GRIP2: variants seen among roughly 807,000 people sequenced by gnomAD.
GRIP2 encodes glutamate receptor-interacting protein 2.
In GRIP2, 58 loss-of-function variants were observed where a neutral mutation model predicts 108.3. The ratio of observed to expected loss-of-function variants is 0.54; its 90% confidence interval spans 0.43 to 0.67. The LOEUF is 0.67. Ranked by LOEUF, GRIP2 falls within the 30% of genes least tolerant of loss-of-function variation. GRIP2 has a pLI of 0.00. For synonymous variants in GRIP2, 586 were observed against 598.2 expected, an observed-to-expected ratio of 0.98 and a Z score of 0.30; for missense variants, 1,278 against 1,430.6, an observed-to-expected ratio of 0.89 and a Z score of 1.72.
chr3:14,563,969 C>A, the GRIP2 span, among the ~76,000 whole-genome samples: 2 of 152,318 alleles, frequency 1.3e-5, no homozygotes, highest in African/African-American at 4.8e-5. Context: ...CCCCTCCACC[C>A]TTACCCATCT....
At chr3:14,524,291 T>C in intron 4 of GRIP2, 102 bp downstream of exon 4, 2 of 1,359,078 alleles carry the variant, frequency 1.5e-6, no homozygotes, top group Non-Finnish European at 2.0e-6. Context: ...TTCTACCCAC[T>C]CCATCTGGCA....
intron 22 of GRIP2, among the ~76,000 whole-genome samples, chr3:14,496,191 AG>A (rs1186876207): frequency 2.0e-5 from 3 of 152,026 alleles, no homozygotes; most frequent in Admixed American, 2.0e-4. Flanking sequence ...GGGGAAAAAA[AG>A]CACATCTACT....
the GRIP2 span, chr3:14,573,893 C>T: frequency 3.3e-6 from 4 of 1,208,934 alleles, no homozygotes; most frequent in East Asian, 2.4e-5. Context: ...GCAGGCAGCC[C>T]GACCTGTCGT....
chr3:14,586,152 C>T, the GRIP2 span, among the ~76,000 whole-genome samples: 1 of 152,194 alleles, frequency 6.6e-6, no homozygotes, highest in African/African-American at 2.4e-5. Flanking sequence ...CAGGTCTTCC[C>T]TTGGTTGGGC....
At chr3:14,500,401 T>A (rs1330816392) in intron 21 of GRIP2, among the ~76,000 whole-genome samples, 1 of 151,812 alleles carries the variant, frequency 6.6e-6, no homozygotes, top group Admixed American at 6.6e-5. Flanking sequence ...ACAGACTGAG[T>A]CTGTAGTAAG....
In GRIP2 at chr3:14,525,699, ACCT is replaced by A. The variant is rs1292668898; in HGVS notation, c.122-130_122-128del. 1.1e-5 allele frequency: 14 copies of A among 1,333,158 alleles called. No individual in the cohort carries two copies. The Admixed American group carries it at 2.6e-4, about 25-fold the overall frequency. The allele number at this position is 1,333,158 out of a possible 1,614,324, so 82.6% of individuals were successfully genotyped here. A position where few individuals can be genotyped will look rare whatever the true frequency, so the allele number is the denominator to read the frequency against. On this transcript the variant is annotated intron_variant, in intron 2 of 23. Coordinates refer to ENST00000621039, the MANE Select transcript of GRIP2 (RefSeq NM_001080423.4). ...TGCTGCATTGCCCTGGGTGATGATC[ACCT>A]CCTTTTTACAGAGGAGAATCAGAGA...
intron 11 of GRIP2, among the ~76,000 whole-genome samples, chr3:14,516,705 C>T (rs1459656026): frequency 6.6e-6 from 1 of 152,120 alleles, no homozygotes; most frequent in African/African-American, 2.4e-5. Flanking sequence ...AGCACTGAGG[C>T]TTTATCCATG....
intron 1 of GRIP2, 106 bp from the exon 2 acceptor site, chr3:14,526,037 G>A (rs989481897): frequency 9.5e-6 from 9 of 946,978 alleles, no homozygotes; most frequent in Non-Finnish European, 1.5e-5. Flanking sequence ...CCTGTAAGAT[G>A]GGTTCCCTCC....
At chr3:14,593,793 C>T in the GRIP2 span, among the ~76,000 whole-genome samples, 1 of 152,298 alleles carries the variant, frequency 6.6e-6, no homozygotes, top group South Asian at 2.1e-4. Flanking sequence ...CTCTGGTACC[C>T]TCCCACTAAA....
chr3:14,578,065 A>G, the GRIP2 span, among the ~76,000 whole-genome samples: 1 of 152,122 alleles, frequency 6.6e-6, no homozygotes, highest in East Asian at 1.9e-4. Context: ...GCAGAGGCAG[A>G]CTCTCGTTGC....
At chr3:14,560,823 T>C (rs1435861353), upstream of GRIP2, among the ~76,000 whole-genome samples, 1 of 152,206 alleles carries the variant, frequency 6.6e-6, no homozygotes, top group East Asian at 1.9e-4. Context: ...GTATCCTGAC[T>C]AATCCAGTGT....
intron 4 of GRIP2, 75 bp downstream of exon 4, chr3:14,524,318 G>A (rs1694493906): frequency 4.0e-6 from 6 of 1,507,364 alleles, no homozygotes; most frequent in East Asian, 2.4e-5. Flanking sequence ...CTGCCACCCA[G>A]GCCCTGGTGG....
At chr3:14,573,950 A>T in the GRIP2 span, 6 of 1,095,198 alleles carry the variant, frequency 5.5e-6, no homozygotes, top group East Asian at 1.5e-4. Flanking sequence ...GCCCTGCGCG[A>T]ATGAAGCTGT....
In GRIP2 at chr3:14,505,858, A is replaced by G. The variant is rs1693911707; in HGVS notation, c.2399-69T>C. ...TTGCCCTCCTGCCTGCCCCATTTCCAGCTGTGCTGAGTGACCCTGGGGAGG... is the reference window on the plus strand; with the variant it reads ...TTGCCCTCCTGCCTGCCCCATTTCCGGCTGTGCTGAGTGACCCTGGGGAGG... On this transcript the variant is annotated intron_variant, in intron 19 of 23. Transcript: ENST00000621039. The surrounding 1 kb of genome is among the most constrained non-coding windows in gnomAD (Gnocchi z 4.2). The G allele has an allele frequency of 1.4e-6, 2 of 1,407,412 alleles. No individual in the cohort carries two copies. Among genetic ancestry groups the G allele is most frequent in the Non-Finnish European group, 1.9e-6 (2 of 1,061,574 alleles). The allele number at this position is 1,407,412 out of a possible 1,614,324, so 87.2% of individuals were successfully genotyped here.
chr3:14,509,777 G>A, intron 17 of GRIP2, 43 bp downstream of exon 17: 1 of 1,370,880 alleles, frequency 7.3e-7, no homozygotes. Context: ...TGCTTCCTGT[G>A]TTCCCTGAGC....
chr3:14,524,267 G>T (rs993348275), intron 4 of GRIP2, 126 bp downstream of exon 4: 1 of 1,110,888 alleles, frequency 9.0e-7, no homozygotes, highest in South Asian at 1.6e-5. Context: ...GGATGCTTGT[G>T]GCCAGTCTCC....
rs573367446 is a variant in GRIP2, at chr3:14,516,695, A to G, written c.1306+369T>C. On this transcript the variant is annotated intron_variant, in intron 11 of 23. Transcript: ENST00000621039. ...AGAGGTGGTAAGGATATAGTAACGCAGCACTGAGGCTTTATCCATGAATGA... is the reference window on the plus strand; with the variant it reads ...AGAGGTGGTAAGGATATAGTAACGCGGCACTGAGGCTTTATCCATGAATGA... 5.3e-5 allele frequency among the ~76,000 whole-genome samples: 8 copies of G among 152,358 alleles called. No homozygotes were observed. In the East Asian group the frequency reaches 9.6e-4, roughly 18 times the overall value.
At chr3:14,533,066 T>C (rs1694750909) in intron 1 of GRIP2, among the ~76,000 whole-genome samples, 2 of 152,152 alleles carry the variant, frequency 1.3e-5, no homozygotes, top group African/African-American at 4.8e-5. Context: ...TGGGGTTGGG[T>C]CCTCAGCAGC....
At chr3:14,513,337 T>A (rs4685169) in intron 13 of GRIP2, among the ~76,000 whole-genome samples, 73,049 of 152,016 alleles carry the variant, frequency 0.48, 17,933 homozygotes, top group East Asian at 0.74. Flanking sequence ...AAAGCCACAC[T>A]GTGTTGAGGT....
Sources: allele counts gnomAD v4.1 joint callset (sites outside exome capture counted in the v4.1 genomes callset), GRCh38; gene constraint gnomAD v4.1.1; non-coding constraint Gnocchi (gnomAD v3.1); transcripts MANE v1.5; gene names NCBI Gene and HGNC (gene_info 2026-07-23, HGNC 2026-07-21).